Variants in CACNA1E observed in about 807,000 individuals in gnomAD.
The protein encoded by CACNA1E is calcium voltage-gated channel subunit alpha1 E.
In CACNA1E, 40 loss-of-function variants were observed where a neutral mutation model predicts 259.2. The ratio of observed to expected loss-of-function variants is 0.15; its 90% CI spans 0.12 to 0.20. CACNA1E has a LOEUF of 0.20. CACNA1E is among the 10% of genes least tolerant of loss of function. The pLI is 1.00. For missense variants in CACNA1E, 1,874 were observed against 3,040.1 expected, an observed-to-expected ratio of 0.62 and a Z score of 9.02; for synonymous variants, 1,104 against 1,138.5, an observed-to-expected ratio of 0.97 and a Z score of 0.61.
intron 32 of CACNA1E, among the ~76,000 whole-genome samples, chr1:181,759,806 G>A (rs1359414183): frequency 6.6e-6 from 1 of 152,170 alleles, no homozygotes; most frequent in African/African-American, 2.4e-5. Context: ...GTGTTTGTCT[G>A]GTAGCAGCTT....
intron 7 of CACNA1E, among the ~76,000 whole-genome samples, chr1:181,658,272 G>GT (rs201600965): frequency 0.011 from 1,711 of 152,276 alleles, 31 homozygotes; most frequent in African/African-American, 0.038. Flanking sequence ...ACTCTCTCTG[G>GT]TTTGGAATCA....
intron 2 of CACNA1E, among the ~76,000 whole-genome samples, chr1:181,449,939 GT>G (rs751758722): frequency 1.3e-4 from 20 of 152,150 alleles, no homozygotes; most frequent in East Asian, 1.9e-4. Context: ...ATATTAGTCT[GT>G]TTTCACACTG....
At chr1:181,476,875 G>A (rs993025433) in intron 2 of CACNA1E, among the ~76,000 whole-genome samples, 3 of 152,126 alleles carry the variant, frequency 2.0e-5, no homozygotes, top group Admixed American at 6.5e-5. Context: ...GCAAGGTTGG[G>A]CCCTGAGGGT....
At chr1:181,487,742 A>G (rs1254727820) in intron 1 of CACNA1E, among the ~76,000 whole-genome samples, 2 of 152,162 alleles carry the variant, frequency 1.3e-5, no homozygotes, top group Non-Finnish European at 2.9e-5. Flanking sequence ...TGGGCCATAC[A>G]GCATCTCTCA....
At chr1:181,738,125 G>A (rs191524929) in intron 23 of CACNA1E, among the ~76,000 whole-genome samples, 1 of 152,360 alleles carries the variant, frequency 6.6e-6, no homozygotes, top group East Asian at 1.9e-4. Flanking sequence ...TCTGGCCAAC[G>A]AGAGGGAGCA....
At chr1:181,549,085 G>A (rs901163721) in intron 3 of CACNA1E, among the ~76,000 whole-genome samples, 16 of 152,170 alleles carry the variant, frequency 1.1e-4, no homozygotes, top group Non-Finnish European at 1.5e-5. Context: ...AGGTCTGACT[G>A]CATTTTACAA....
At chr1:181,696,689 A>T (rs994941489) in intron 7 of CACNA1E, among the ~76,000 whole-genome samples, 1 of 152,222 alleles carries the variant, frequency 6.6e-6, no homozygotes, top group Non-Finnish European at 1.5e-5. Context: ...TCATGACTGC[A>T]GATGTAGACA....
intron 4 of CACNA1E, among the ~76,000 whole-genome samples, chr1:181,578,441 C>G (rs1343954961): frequency 6.6e-6 from 1 of 152,162 alleles, no homozygotes; most frequent in African/African-American, 2.4e-5. Context: ...GCAGCTCACT[C>G]CTGTAGTCCC....
intron 18 of CACNA1E, among the ~76,000 whole-genome samples, chr1:181,729,855 A>ATAT (rs1472020700): frequency 6.6e-6 from 1 of 152,220 alleles, no homozygotes; most frequent in African/African-American, 2.4e-5. Context: ...AGATGGTGTG[A>ATAT]TGTGCTTTTC....
intron 2 of CACNA1E, among the ~76,000 whole-genome samples, chr1:181,459,616 C>T (rs760954534): frequency 1.4e-4 from 21 of 152,238 alleles, no homozygotes; most frequent in Non-Finnish European, 2.2e-4. Flanking sequence ...AGACACCTTA[C>T]CTGCACCACG....
intron 37 of CACNA1E, among the ~76,000 whole-genome samples, chr1:181,773,076 C>T (rs1257479803): frequency 6.6e-6 from 1 of 152,246 alleles, no homozygotes; most frequent in African/African-American, 2.4e-5. Flanking sequence ...AAACCTAAAA[C>T]TAAGACAGTG....
chr1:181,772,976 A>AAAT (rs1484984194), intron 37 of CACNA1E, among the ~76,000 whole-genome samples: 1 of 152,144 alleles, frequency 6.6e-6, no homozygotes, highest in Non-Finnish European at 1.5e-5. Flanking sequence ...AAGCAGTGAT[A>AAAT]AATAGAATAA....
intron 3 of CACNA1E, among the ~76,000 whole-genome samples, chr1:181,564,425 A>G (rs1649619354): frequency 6.6e-6 from 1 of 152,244 alleles, no homozygotes; most frequent in Admixed American, 6.5e-5. Flanking sequence ...TGAAAGTTTT[A>G]TGAGATTGCA....
chr1:181,646,523 ACACT>A (rs1169185771), intron 6 of CACNA1E, among the ~76,000 whole-genome samples: 2 of 152,112 alleles, frequency 1.3e-5, no homozygotes, highest in East Asian at 3.9e-4. Flanking sequence ...CAGCCCCAAC[ACACT>A]CAGCCTCCCC....
chr1:181,588,555 A>G (rs1652320349), intron 6 of CACNA1E, among the ~76,000 whole-genome samples: 2 of 152,130 alleles, frequency 1.3e-5, no homozygotes, highest in African/African-American at 4.8e-5. Context: ...TGGTTTGTCA[A>G]ACCAGGATGC....
intron 6 of CACNA1E, among the ~76,000 whole-genome samples, chr1:181,586,767 G>T (rs1379695833): frequency 6.6e-6 from 1 of 152,096 alleles, no homozygotes; most frequent in African/African-American, 2.4e-5. Context: ...TTATCTATAT[G>T]CTTTGCTCAT....
At chr1:181,357,460 G>C (rs1043662231) in intron 1 of CACNA1E, among the ~76,000 whole-genome samples, 1 of 152,156 alleles carries the variant, frequency 6.6e-6, no homozygotes, top group Non-Finnish European at 1.5e-5. Flanking sequence ...TCTGTCCCCT[G>C]TTCTGGGCTA....
intron 7 of CACNA1E, among the ~76,000 whole-genome samples, chr1:181,684,765 TTCTC>T (rs1474176739): frequency 1.3e-5 from 2 of 152,144 alleles, no homozygotes; most frequent in African/African-American, 4.8e-5. Flanking sequence ...ATTGTCAACT[TTCTC>T]TCTTGTCTTC....
intron 1 of CACNA1E, among the ~76,000 whole-genome samples, chr1:181,330,396 A>C (rs888177963): frequency 6.6e-6 from 1 of 152,078 alleles, no homozygotes. Context: ...AGCACCTCAG[A>C]AATGTCAAAA....
Sources: gnomAD v4.1 joint callset for allele counts (sites outside exome capture counted in the v4.1 genomes callset) on GRCh38, gnomAD v4.1.1 for gene constraint, MANE v1.5 for transcripts, NCBI Gene and HGNC (gene_info 2026-07-23, HGNC 2026-07-21) for gene names.